Variants in MID1 observed in about 807,000 individuals in gnomAD.
MID1 encodes midline 1, also known as E3 ubiquitin-protein ligase Midline-1.
A neutral mutation model predicts 40.4 loss-of-function variants in MID1; 7 were observed. That is an observed-to-expected ratio of 0.17 (90% CI 0.10 to 0.33). The LOEUF (loss-of-function observed/expected upper bound fraction) is 0.33, where lower values mean the gene tolerates loss of function less well. Ranked by LOEUF, MID1 falls within the 10% of genes least tolerant of loss-of-function variation. The pLI is 1.00. For missense variants in MID1, 367 were observed against 558.5 expected, an observed-to-expected ratio of 0.66 and a Z score of 3.46; for synonymous variants, 229 against 221.2, an observed-to-expected ratio of 1.04 and a Z score of -0.31.
intron 7 of MID1, among the ~76,000 whole-genome samples, chrX:10,465,799 T>C (rs1311283461): frequency 9.0e-6 from 1 of 111,731 alleles, no homozygotes; most frequent in Non-Finnish European, 1.9e-5. Flanking sequence ...AACACCTTAA[T>C]TTCAGACTGT....
At chrX:10,815,509 A>G (rs759640884) in intron 1 of MID1, among the ~76,000 whole-genome samples, 2 of 112,563 alleles carry the variant, frequency 1.8e-5, no homozygotes, top group South Asian at 7.4e-4. Flanking sequence ...TCCTCAATGG[A>G]GTCTTACGTG....
intron 7 of MID1, among the ~76,000 whole-genome samples, chrX:10,465,214 T>TATATATATATATATATATATACAC (rs1477864693): frequency 2.5e-5 from 1 of 39,898 alleles, no homozygotes; most frequent in Non-Finnish European, 4.2e-5. Context: ...TATATATATA[T>TATATATATATATATATATATACAC]ACACACACAC....
chrX:10,633,247 G>T lies in MID1; in HGVS notation c.-186-12828C>A, dbSNP rs534727351. Among the ~76,000 whole-genome samples the T allele has an allele frequency of 4.5e-5, 5 of 111,395 alleles. No individual in the cohort carries two copies. The South Asian group carries it at 1.5e-3, about 34-fold the overall frequency. ...CTTTTATCATAGAAGATGGGGAGTT[G>T]ATACCAAGAAGAGTTTGTATAAATA... On this transcript the variant is annotated intron_variant, in intron 1 of 10. Transcript: ENST00000380785.
At position 10,523,173 on chromosome X, in the gene MID1, A is replaced by G; in HGVS notation, c.675T>C (p.Ser225=). Residue 225 remains serine, a synonymous_variant, in exon 3 of 10, where the codon AGT becomes AGC. Coordinates refer to ENST00000317552, the MANE Select transcript of MID1 (RefSeq NM_000381.4). The stretch of plus-strand genomic sequence containing the variant: ...TCCTCTTAATAAGGTTGGTGAGGTT[A>G]CTCTCTAAGTTTTGCTGTTCAAAAA... ...RYDKLKQNLE[S]NLTNLIKRNT... is the part of the protein sequence containing the mutation. 1 of 1,175,841 alleles carries G rather than the reference A, an allele frequency of 8.5e-7. No individual in the cohort carries two copies. The highest frequency in any genetic ancestry group is 1.1e-6 in the Non-Finnish European group (1 of 874,503).
At chrX:10,486,353 A>C (rs1187210575) in intron 4 of MID1, among the ~76,000 whole-genome samples, 1 of 111,889 alleles carries the variant, frequency 8.9e-6, no homozygotes, top group Non-Finnish European at 1.9e-5. Context: ...GCCCACTTCC[A>C]ATTGCTTGTC....
At chrX:10,667,560 A>T (rs138526602) in intron 1 of MID1, among the ~76,000 whole-genome samples, 5 of 112,262 alleles carry the variant, frequency 4.5e-5, no homozygotes, top group African/African-American at 1.6e-4. Flanking sequence ...TTGCACAAAA[A>T]GAGAATTCAT....
chrX:10,591,177 T>C (rs1306665227), intron 1 of MID1, among the ~76,000 whole-genome samples: 2 of 112,653 alleles, frequency 1.8e-5, no homozygotes, highest in Non-Finnish European at 3.7e-5. Context: ...GAAGTTATAC[T>C]TATTTTGACT....
At chrX:10,459,267 T>G (rs1928877084) in intron 8 of MID1, among the ~76,000 whole-genome samples, 1 of 112,033 alleles carries the variant, frequency 8.9e-6, no homozygotes, top group Non-Finnish European at 1.9e-5. Context: ...TGAAGAGTGA[T>G]TAGTTGGCTA....
intron 2 of MID1, among the ~76,000 whole-genome samples, chrX:10,531,467 T>C (rs1295313132): frequency 1.8e-5 from 2 of 112,397 alleles, no homozygotes; most frequent in Non-Finnish European, 3.8e-5. Context: ...CCTAATAAAA[T>C]ACAATCTGCA....
chrX:10,785,263 T>C (rs2043874363), intron 1 of MID1, among the ~76,000 whole-genome samples: 1 of 110,099 alleles, frequency 9.1e-6, no homozygotes, highest in Non-Finnish European at 1.9e-5. Flanking sequence ...TTACAAGGGA[T>C]GTGAAGGACC....
chrX:10,472,291 C>A (rs1929752822), intron 6 of MID1, among the ~76,000 whole-genome samples: 1 of 112,344 alleles, frequency 8.9e-6, no homozygotes, highest in Non-Finnish European at 1.9e-5. Flanking sequence ...TTGGGGTTGA[C>A]AGCTCAGAAG....
At chrX:10,812,758 C>T (rs770941695) in intron 1 of MID1, among the ~76,000 whole-genome samples, 10 of 111,491 alleles carry the variant, frequency 9.0e-5, no homozygotes, top group African/African-American at 3.3e-4. Flanking sequence ...CTGACTTGGC[C>T]TGAGAGAAAT....
intron 1 of MID1, among the ~76,000 whole-genome samples, chrX:10,640,163 C>CA (rs1218789084): frequency 9.0e-6 from 1 of 111,683 alleles, no homozygotes; most frequent in Non-Finnish European, 1.9e-5. Context: ...TCACACATAA[C>CA]AATATTAACT....
chrX:10,773,780 T>G (rs1172973636), intron 1 of MID1, among the ~76,000 whole-genome samples: 1 of 112,129 alleles, frequency 8.9e-6, no homozygotes, highest in African/African-American at 3.2e-5. Context: ...AGAGTCAAGT[T>G]GATATAGGCC....
chrX:10,755,149 T>C (rs1358871038), intron 1 of MID1, among the ~76,000 whole-genome samples: 1 of 111,998 alleles, frequency 8.9e-6, no homozygotes, highest in Non-Finnish European at 1.9e-5. Flanking sequence ...AGATTGATGA[T>C]TTAAACAGAG....
At chrX:10,483,847 T>C (rs1013947326) in intron 4 of MID1, among the ~76,000 whole-genome samples, 1 of 112,063 alleles carries the variant, frequency 8.9e-6, no homozygotes, top group Non-Finnish European at 1.9e-5. Context: ...GTATGTACTA[T>C]AAGCAAACAA....
intron 4 of MID1, 127 bp from the exon 5 acceptor site, chrX:10,482,755 A>C: frequency 1.5e-6 from 1 of 658,463 alleles, no homozygotes; most frequent in Non-Finnish European, 2.4e-6. Context: ...AGGCATAGAG[A>C]TATATCAAAA....
chrX:10,673,072 T>C (rs372288095), intron 1 of MID1, among the ~76,000 whole-genome samples: 1 of 112,116 alleles, frequency 8.9e-6, no homozygotes, highest in Non-Finnish European at 1.9e-5. Context: ...TAGATAGTGC[T>C]GACTAAATAA....
chrX:10,704,867 C>T (rs1016743761), intron 1 of MID1, among the ~76,000 whole-genome samples: 2 of 107,689 alleles, frequency 1.9e-5, no homozygotes, highest in African/African-American at 6.7e-5. Context: ...TGGGTTTAAG[C>T]ATTTCTCTGC....
Sources: allele counts gnomAD v4.1 joint callset (sites outside exome capture counted in the v4.1 genomes callset), GRCh38; gene constraint gnomAD v4.1.1; transcripts MANE v1.5; gene names NCBI Gene and HGNC (gene_info 2026-07-23, HGNC 2026-07-21).